PCDH15: variants seen among roughly 807,000 people sequenced by gnomAD.
PCDH15 encodes protocadherin-15.
PCDH15 carries 129 observed loss-of-function variants against 178.5 expected under a neutral mutation model. That is an observed-to-expected ratio of 0.72 (90% CI 0.63 to 0.84). The LOEUF is 0.84. PCDH15 is among the 40% of genes least tolerant of loss of function. The probability of loss-of-function intolerance (pLI) is 0.00; values close to 1 mark genes in which losing one functional copy is unlikely to be tolerated. For missense variants in PCDH15, 2,230 were observed against 2,099.9 expected, an observed-to-expected ratio of 1.06 and a Z score of -1.21; for synonymous variants, 800 against 732.0, an observed-to-expected ratio of 1.09 and a Z score of -1.50.
At chr10:54,001,686 C>A (rs1253384517) in intron 20 of PCDH15, among the ~76,000 whole-genome samples, 1 of 151,516 alleles carries the variant, frequency 6.6e-6, no homozygotes, top group East Asian at 1.9e-4. Context: ...AACCAGAAAG[C>A]AAATAACAAA....
intron 19 of PCDH15, 55 bp from the exon 20 acceptor site, chr10:54,020,471 C>T: frequency 6.5e-7 from 1 of 1,537,800 alleles, no homozygotes; most frequent in Non-Finnish European, 9.0e-7. Context: ...TAAAGAAATG[C>T]AGGAAGGATG....
chr10:54,247,914 T>C (rs970308135), intron 8 of PCDH15, among the ~76,000 whole-genome samples: 6 of 146,226 alleles, frequency 4.1e-5, no homozygotes, highest in Non-Finnish European at 6.0e-5. Context: ...ATTGCATGAT[T>C]GATGTGAGGA....
At chr10:54,834,504 G>C (rs752728181) in intron 3 of PCDH15, among the ~76,000 whole-genome samples, 5 of 151,690 alleles carry the variant, frequency 3.3e-5, no homozygotes, top group Admixed American at 6.6e-5. Flanking sequence ...ACTCAGATCT[G>C]TAATAATTTG....
chr10:54,584,134 C>T (rs1033736502), intron 2 of PCDH15, among the ~76,000 whole-genome samples: 3 of 150,714 alleles, frequency 2.0e-5, no homozygotes, highest in African/African-American at 7.3e-5. Flanking sequence ...AGCTTGTAAT[C>T]CCAAAGCTTT....
At chr10:54,823,223 ACACG>A (rs776238108) in intron 3 of PCDH15, among the ~76,000 whole-genome samples, 179 of 111,458 alleles carry the variant, frequency 1.6e-3, no homozygotes, top group Admixed American at 3.9e-3. Flanking sequence ...ACACACACAC[ACACG>A]CACACGCACA....
chr10:54,753,894 G>GTTTT (rs755751275), intron 1 of PCDH15, among the ~76,000 whole-genome samples: 19 of 85,524 alleles, frequency 2.2e-4, no homozygotes, highest in Middle Eastern at 9.8e-3. Context: ...GTTTGTTTGT[G>GTTTT]TTTTTTTTTT....
At chr10:55,361,983 G>A (rs1241367343) in intron 2 of PCDH15, among the ~76,000 whole-genome samples, 1 of 152,088 alleles carries the variant, frequency 6.6e-6, no homozygotes, top group East Asian at 1.9e-4. Flanking sequence ...TCCTTTCTTG[G>A]ATGAGAAATT....
intron 9 of PCDH15, among the ~76,000 whole-genome samples, chr10:54,235,537 T>A (rs1403277411): frequency 1.3e-5 from 2 of 152,186 alleles, no homozygotes; most frequent in Non-Finnish European, 2.9e-5. Context: ...TGGAAACTCC[T>A]GTCTTTCTGC....
At chr10:54,422,756 A>C (rs2135864523) in intron 3 of PCDH15, among the ~76,000 whole-genome samples, 1 of 152,308 alleles carries the variant, frequency 6.6e-6, no homozygotes, top group Non-Finnish European at 1.5e-5. Flanking sequence ...GACCAGCATT[A>C]TGAAATCAAC....
intron 2 of PCDH15, among the ~76,000 whole-genome samples, chr10:54,589,160 C>T (rs922274727): frequency 5.9e-5 from 9 of 152,062 alleles, no homozygotes; most frequent in African/African-American, 2.2e-4. Context: ...GAAATTTCCA[C>T]TGTTTCAAAA....
rs11408924 is a variant in PCDH15, at chr10:54,976,269, A to AT, written c.-79-78770dup. On this transcript the variant is annotated intron_variant, in intron 2 of 5. Coordinates refer to the PCDH15 transcript ENST00000458638. The stretch of plus-strand genomic sequence containing the variant: ...CAATCTCAAGATTGGTTCTAGAACT[A>AT]TTGTCTAATTGTCCAACAGTTTCTT... 5.5e-3 allele frequency among the ~76,000 whole-genome samples: 838 copies of AT among 152,322 alleles called. 5 individuals carry two copies. Among genetic ancestry groups the AT allele is most frequent in the African/African-American group, 0.019 (796 of 41,584 alleles).
chr10:53,970,121 T>C (rs1264271947), intron 21 of PCDH15, among the ~76,000 whole-genome samples: 1 of 152,036 alleles, frequency 6.6e-6, no homozygotes, highest in African/African-American at 2.4e-5. Context: ...ACCTATCTTA[T>C]GTGCAGCGAT....
At position 54,091,925 on chromosome 10, in the gene PCDH15, T is replaced by G. The variant is rs759251537; in HGVS notation, c.1918-1862A>C. ...TATCTGCTGAAGACGGTCATATCTC[T>G]AGGCTAGCCCTTTCCTCTGGATTTC... On this transcript the variant is annotated intron_variant, in intron 15 of 37. Coordinates refer to ENST00000644397, the MANE Select transcript of PCDH15 (RefSeq NM_001384140.1). 2.5e-4 allele frequency among the ~76,000 whole-genome samples: 38 copies of G among 152,176 alleles called. 1 individual carries two copies. Among genetic ancestry groups the G allele is most frequent in the Admixed American group, 2.5e-3 (38 of 15,254 alleles).
intron 1 of PCDH15, among the ~76,000 whole-genome samples, chr10:55,209,657 T>C (rs1189475156): frequency 6.6e-6 from 1 of 152,140 alleles, no homozygotes; most frequent in African/African-American, 2.4e-5. Flanking sequence ...TAAATGATTC[T>C]ATTCATTGAT....
At chr10:54,533,785 G>A (rs1174790563) in intron 2 of PCDH15, among the ~76,000 whole-genome samples, 4 of 151,976 alleles carry the variant, frequency 2.6e-5, no homozygotes, top group African/African-American at 4.8e-5. Context: ...TTCCTCTATG[G>A]AAAATTAACA....
chr10:54,111,564 A>T (rs1291124625), intron 15 of PCDH15, among the ~76,000 whole-genome samples: 1 of 152,166 alleles, frequency 6.6e-6, no homozygotes, highest in East Asian at 1.9e-4. Flanking sequence ...TTTTGCTGAT[A>T]GGTCATTTAT....
intron 1 of PCDH15, among the ~76,000 whole-genome samples, chr10:54,714,794 T>C (rs1208510395): frequency 2.0e-5 from 3 of 152,162 alleles, no homozygotes. Context: ...TATAACCTTT[T>C]GAGGTCAAAA....
chr10:54,608,694 A>G (rs2134207395), intron 2 of PCDH15, among the ~76,000 whole-genome samples: 1 of 152,170 alleles, frequency 6.6e-6, no homozygotes, highest in South Asian at 2.1e-4. Context: ...GTCAAGATTT[A>G]TGCTCTCTTA....
At chr10:55,497,464 A>C in intron 2 of PCDH15, among the ~76,000 whole-genome samples, 1 of 151,714 alleles carries the variant, frequency 6.6e-6, no homozygotes, top group East Asian at 2.0e-4. Flanking sequence ...TTTGATTTCG[A>C]GTTGGCTTGG....
Sources: allele counts gnomAD v4.1 joint callset (sites outside exome capture counted in the v4.1 genomes callset), GRCh38; gene constraint gnomAD v4.1.1; transcripts MANE v1.5; gene names NCBI Gene and HGNC (gene_info 2026-07-23, HGNC 2026-07-21).